MYH7B: variants seen among roughly 807,000 people sequenced by gnomAD.
MYH7B encodes myosin heavy chain 7B.
MYH7B carries 205 observed loss-of-function variants against 234.5 expected under a neutral mutation model. The observed-to-expected ratio is 0.87, with a 90% confidence interval of 0.78 to 0.98. The LOEUF (loss-of-function observed/expected upper bound fraction) is 0.98, where lower values mean the gene tolerates loss of function less well. Among genes scored for constraint, MYH7B ranks in the 50% least tolerant of loss-of-function variants. The pLI, the probability that MYH7B is intolerant of heterozygous loss-of-function variation, is 0.00. For synonymous variants in MYH7B, 1,193 were observed against 1,105.0 expected, an observed-to-expected ratio of 1.08 and a Z score of -1.58; for missense variants, 2,652 against 2,633.4, an observed-to-expected ratio of 1.01 and a Z score of -0.15.
chr20:34,969,120 C>G (rs1019776897), intron 2 of MYH7B, among the ~76,000 whole-genome samples: 4 of 152,132 alleles, frequency 2.6e-5, no homozygotes, highest in Non-Finnish European at 4.4e-5. Context: ...ATAGACACAT[C>G]TTGTCCACCA....
rs777908205 is a variant in MYH7B at position 35,002,062 on chromosome 20, AC to A, written c.5794del (p.Arg1932GlyfsTer29). 1 of 1,613,980 alleles carries A rather than the reference AC, an allele frequency of 6.2e-7. No individual in the cohort carries two copies. The highest frequency in any genetic ancestry group is 8.5e-7 in the Non-Finnish European group (1 of 1,179,988). On this transcript the variant is annotated frameshift_variant, in exon 44 of 45. Transcript: ENST00000262873. LOFTEE classifies it high-confidence loss of function. ...CCAGGCCAACAAGCTGCGGGCACGG[AC>A]CCGGGACGCCCTGGGCCCCAAGGTG...
At chr20:34,999,285 C>A in exon 36 of MYH7B, 1 of 1,591,614 alleles carries the variant, frequency 6.3e-7, no homozygotes, top group Admixed American at 1.8e-5. Context: ...GCAGCGGGAG[C>A]TGGAGGCGGC....
At chr20:34,991,820 G>A (rs2082155830) in intron 24 of MYH7B, among the ~76,000 whole-genome samples, 1 of 152,134 alleles carries the variant, frequency 6.6e-6, no homozygotes, top group Non-Finnish European at 1.5e-5. Context: ...TACCATACAC[G>A]CACACACACG....
intron 2 of MYH7B, among the ~76,000 whole-genome samples, chr20:34,968,505 G>C (rs1160886111): frequency 6.6e-6 from 1 of 152,196 alleles, no homozygotes; most frequent in Non-Finnish European, 1.5e-5. Context: ...CCTCTTGTTG[G>C]CTTCTTCCAT....
At position 34,977,279 on chromosome 20, in the gene MYH7B, G is replaced by A. The variant is rs761442661; in HGVS notation, c.-121-353G>A. On this transcript the variant is annotated intron_variant, in intron 3 of 44. Coordinates refer to ENST00000262873, the Ensembl canonical transcript of MYH7B. ...GGACTAGCTGGTCCAATCTCAGTAGGCATTCTGTGGTTTCCCCTCTGAGTG... is the reference window on the plus strand; with the variant it reads ...GGACTAGCTGGTCCAATCTCAGTAGACATTCTGTGGTTTCCCCTCTGAGTG... 9.2e-5 allele frequency among the ~76,000 whole-genome samples: 14 copies of A among 152,080 alleles called. 1 individual carries two copies. The highest frequency in any genetic ancestry group is 5.2e-4 in the Admixed American group (8 of 15,270).
At chr20:34,989,863 C>T in exon 20 of MYH7B, 1 of 1,614,174 alleles carries the variant, frequency 6.2e-7, no homozygotes. Context: ...GCAGCCTCGG[C>T]CTGACAAGAA....
rs757480813 is a variant in MYH7B, at chr20:34,988,085, C to T, written c.1417-7C>T. 50 of 1,610,790 alleles carry T rather than the reference C, an allele frequency of 3.1e-5. No homozygotes were observed. Among genetic ancestry groups the T allele is most frequent in the Non-Finnish European group, 4.2e-5 (49 of 1,178,252 alleles). ...GGTCTGCTGAGCCAGGCCCCTCCCTCTTGTAGTTCAACAGCTTCGAACAGC... is the reference window on the plus strand; with the variant it reads ...GGTCTGCTGAGCCAGGCCCCTCCCTTTTGTAGTTCAACAGCTTCGAACAGC... On this transcript the variant is annotated splice_region_variant and splice_polypyrimidine_tract_variant and intron_variant, in intron 18 of 44. Transcript: ENST00000262873.
At chr20:34,988,447 CGT>C (rs199645076) in intron 19 of MYH7B, among the ~76,000 whole-genome samples, 185 bp downstream of exon 19, 1 of 152,048 alleles carries the variant, frequency 6.6e-6, no homozygotes. Context: ...TGAAAGGGCA[CGT>C]GTGTGAGTGG....
In MYH7B at chr20:34,996,773, G is replaced by A; in HGVS notation, c.3266+15G>A. 6.2e-7 allele frequency: 1 copy of A among 1,604,342 alleles called. No individual in the cohort carries two copies. The highest frequency in any genetic ancestry group is 8.5e-7 in the Non-Finnish European group (1 of 1,176,104). ...AAGCTCAAGAAGTAGGTGTGGTGGG[G>A]CAGCAGGTGGGGGCCTTCTGAGCCT... is the stretch of plus-strand genomic sequence containing the variant. On this transcript the variant is annotated intron_variant, in intron 30 of 44. Coordinates refer to ENST00000262873, the Ensembl canonical transcript of MYH7B.
At chr20:34,956,483 C>T (rs569911353) in intron 1 of MYH7B, among the ~76,000 whole-genome samples, 1 of 152,130 alleles carries the variant, frequency 6.6e-6, no homozygotes, top group Non-Finnish European at 1.5e-5. Flanking sequence ...CCTGTTTCTT[C>T]CTTCTGGGTT....
At chr20:35,001,443 A>G (rs1555898864) in exon 43 of MYH7B, 38 of 1,602,750 alleles carry the variant, frequency 2.4e-5, no homozygotes, top group Non-Finnish European at 3.1e-5. Context: ...CGAGGAGGAC[A>G]GGAAGAACCT....
chr20:34,972,310 C>T (rs1265937395), intron 2 of MYH7B, among the ~76,000 whole-genome samples: 1 of 152,020 alleles, frequency 6.6e-6, no homozygotes, highest in Non-Finnish European at 1.5e-5. Context: ...CTGTTTTCTG[C>T]CTCATGGCTA....
intron 19 of MYH7B, among the ~76,000 whole-genome samples, chr20:34,989,493 G>A (rs2082099084): frequency 6.6e-6 from 1 of 152,194 alleles, no homozygotes; most frequent in Admixed American, 6.5e-5. Context: ...GTTTGCCATT[G>A]TTAGAAGTGA....
At chr20:34,991,004 G>A in exon 24 of MYH7B, 13 of 1,610,918 alleles carry the variant, frequency 8.1e-6, no homozygotes, top group South Asian at 1.1e-5. Flanking sequence ...TCACGTCCAG[G>A]GGTCATGGAT....
chr20:35,000,569 G>A lies in MYH7B; in HGVS notation c.5058G>A (p.Ser1686=), dbSNP rs755522477. The change falls in exon 39 of 45, where the codon TCG becomes TCA. Residue 1686 remains serine, a synonymous_variant. Transcript: ENST00000262873. The stretch of plus-strand genomic sequence containing the variant: ...CGCAGGCTCTGGAGCGCCGGGCCTC[G>A]CTGCTGGCTGCGGAGCTGGAGGAGC... 36 of 1,569,350 alleles carry A rather than the reference G, an allele frequency of 2.3e-5. No individual in the cohort carries two copies. The highest frequency in any genetic ancestry group is 1.3e-4 in the Admixed American group (7 of 53,594).
chr20:34,962,116 A>G (rs1443455895), intron 2 of MYH7B, among the ~76,000 whole-genome samples: 1 of 152,068 alleles, frequency 6.6e-6, no homozygotes, highest in Non-Finnish European at 1.5e-5. Flanking sequence ...CATCCCCACT[A>G]CTAGGGAGGC....
At chr20:34,958,422 T>C (rs1318331393) in intron 2 of MYH7B, among the ~76,000 whole-genome samples, 1 of 152,192 alleles carries the variant, frequency 6.6e-6, no homozygotes, top group African/African-American at 2.4e-5. Flanking sequence ...GTCATTCAGA[T>C]GTTTCATCCC....
chr20:34,979,899 G>A (rs551962201), intron 7 of MYH7B, 95 bp downstream of exon 7: 3 of 1,395,946 alleles, frequency 2.1e-6, no homozygotes, highest in Middle Eastern at 2.4e-4. Flanking sequence ...GCGGTGGGGC[G>A]GGGCTGTGAG....
chr20:34,994,247 C>T (rs769216029), exon 27 of MYH7B: 3 of 1,613,098 alleles, frequency 1.9e-6, no homozygotes, highest in Non-Finnish European at 2.5e-6. Context: ...CTGCTGCGCT[C>T]GGCGCAGGCT....
Sources: gnomAD v4.1 joint callset for allele counts (sites outside exome capture counted in the v4.1 genomes callset) on GRCh38, gnomAD v4.1.1 for gene constraint, MANE v1.5 for transcripts, NCBI Gene and HGNC (gene_info 2026-07-23, HGNC 2026-07-21) for gene names.